ADK: variants seen among roughly 807,000 people sequenced by gnomAD.
ADK encodes the protein N6,N6-dimethyladenosine kinase.
ADK carries 24 observed loss-of-function variants against 44.7 expected under a neutral mutation model. The ratio of observed to expected loss-of-function variants is 0.54; its 90% CI spans 0.39 to 0.76. The LOEUF (loss-of-function observed/expected upper bound fraction) is 0.76. Among genes scored for constraint, ADK ranks in the 30% least tolerant of loss-of-function variants. The pLI is 0.00. For synonymous variants in ADK, 128 were observed against 142.6 expected, an observed-to-expected ratio of 0.90 and a Z score of 0.73; for missense variants, 321 against 425.1, an observed-to-expected ratio of 0.76 and a Z score of 2.15.
chr10:74,178,231 C>T (rs564537548), intron 1 of ADK, among the ~76,000 whole-genome samples: 116 of 152,156 alleles, frequency 7.6e-4, no homozygotes, highest in African/African-American at 2.7e-3. Context: ...AGTGAGCCAC[C>T]GCTACTGGTC....
intron 3 of ADK, among the ~76,000 whole-genome samples, chr10:74,309,487 A>T (rs1840364099): frequency 6.6e-6 from 1 of 152,220 alleles, no homozygotes; most frequent in South Asian, 2.1e-4. Context: ...AGATACAATT[A>T]AAGTCACAAA....
intron 4 of ADK, among the ~76,000 whole-genome samples, chr10:74,352,388 C>T (rs1841989719): frequency 6.6e-6 from 1 of 152,170 alleles, no homozygotes; most frequent in African/African-American, 2.4e-5. Flanking sequence ...AAAATTGAAC[C>T]TGGATCACTG....
At chr10:74,408,085 T>C (rs939658115) in intron 6 of ADK, among the ~76,000 whole-genome samples, 9 of 152,034 alleles carry the variant, frequency 5.9e-5, no homozygotes, top group African/African-American at 2.2e-4. Context: ...GTTTGAACGA[T>C]TCTCCTGCGT....
At chr10:74,548,304 A>G (rs1849910425) in intron 7 of ADK, among the ~76,000 whole-genome samples, 1 of 152,158 alleles carries the variant, frequency 6.6e-6, no homozygotes, top group Non-Finnish European at 1.5e-5. Context: ...AGTATTTGTT[A>G]AAACATAAAG....
At chr10:74,605,875 G>C (rs1852307024) in intron 9 of ADK, among the ~76,000 whole-genome samples, 1 of 151,984 alleles carries the variant, frequency 6.6e-6, no homozygotes, top group African/African-American at 2.4e-5. Flanking sequence ...CTGCTCCTGG[G>C]CTTTTTTTGG....
intron 9 of ADK, among the ~76,000 whole-genome samples, chr10:74,647,133 TTC>T (rs1854082403): frequency 6.6e-6 from 1 of 152,154 alleles, no homozygotes; most frequent in African/African-American, 2.4e-5. Flanking sequence ...TTAGAATGTT[TTC>T]TCTCACTAAT....
chr10:74,358,954 A>G (rs1306552148), intron 4 of ADK, among the ~76,000 whole-genome samples: 1 of 152,064 alleles, frequency 6.6e-6, no homozygotes, highest in African/African-American at 2.4e-5. Flanking sequence ...TTTTTTTAAG[A>G]GATTGGGGAG....
intron 7 of ADK, among the ~76,000 whole-genome samples, chr10:74,586,345 C>A (rs1851524999): frequency 6.6e-6 from 1 of 152,070 alleles, no homozygotes; most frequent in Non-Finnish European, 1.5e-5. Context: ...GCTCAGCAAA[C>A]CTGTGTGAGG....
At chr10:74,404,373 T>C (rs1269871028) in intron 6 of ADK, among the ~76,000 whole-genome samples, 1 of 152,208 alleles carries the variant, frequency 6.6e-6, no homozygotes, top group Non-Finnish European at 1.5e-5. Context: ...TAGTTCTCTT[T>C]ATTCCTTTTG....
intron 7 of ADK, among the ~76,000 whole-genome samples, chr10:74,554,440 A>G (rs1427235855): frequency 6.6e-6 from 1 of 152,076 alleles, no homozygotes; most frequent in Non-Finnish European, 1.5e-5. Flanking sequence ...AATAATTGCA[A>G]ATACATCCTG....
intron 3 of ADK, among the ~76,000 whole-genome samples, chr10:74,228,831 TATAA>T (rs1488250096): frequency 6.6e-6 from 1 of 152,202 alleles, no homozygotes; most frequent in Non-Finnish European, 1.5e-5. Flanking sequence ...CAAATGCAAA[TATAA>T]ATAAATTCAG....
chr10:74,327,973 A>G (rs937924770), intron 4 of ADK, among the ~76,000 whole-genome samples: 2 of 152,114 alleles, frequency 1.3e-5, no homozygotes, highest in Non-Finnish European at 2.9e-5. Flanking sequence ...CAGTGGTATG[A>G]TCTCAGCTCA....
At chr10:74,502,636 A>G (rs1298981081) in intron 6 of ADK, among the ~76,000 whole-genome samples, 2 of 152,162 alleles carry the variant, frequency 1.3e-5, no homozygotes, top group Non-Finnish European at 1.5e-5. Context: ...TTGTAAAAAA[A>G]TTATATAAAT....
At chr10:74,474,135 G>A (rs894787256) in intron 6 of ADK, among the ~76,000 whole-genome samples, 12 of 149,508 alleles carry the variant, frequency 8.0e-5, no homozygotes, top group African/African-American at 2.5e-4. Context: ...TTTTTTTTTC[G>A]AGATGGGTTC....
intron 4 of ADK, among the ~76,000 whole-genome samples, chr10:74,391,392 T>C (rs1371362245): frequency 1.3e-5 from 2 of 152,066 alleles, no homozygotes; most frequent in African/African-American, 4.8e-5. Flanking sequence ...CAGAGAACTC[T>C]TCTATTCCTA....
At chr10:74,650,814 C>T (rs1854236076) in intron 9 of ADK, among the ~76,000 whole-genome samples, 1 of 152,098 alleles carries the variant, frequency 6.6e-6, no homozygotes, top group Admixed American at 6.6e-5. Flanking sequence ...TGTGAACAGG[C>T]CAAGTCTAGC....
At chr10:74,152,807 C>T (rs1841643368) in intron 1 of ADK, among the ~76,000 whole-genome samples, 1 of 152,126 alleles carries the variant, frequency 6.6e-6, no homozygotes, top group African/African-American at 2.4e-5. Context: ...TTTTCTTATA[C>T]CTGCAGTCCT....
At chr10:74,460,522 T>C (rs1261061128) in intron 6 of ADK, among the ~76,000 whole-genome samples, 1 of 152,230 alleles carries the variant, frequency 6.6e-6, no homozygotes, top group African/African-American at 2.4e-5. Flanking sequence ...CATTAATTTT[T>C]TACAATTCAA....
chr10:74,581,358 CAT>C (rs1411789660), intron 7 of ADK, among the ~76,000 whole-genome samples: 57 of 151,932 alleles, frequency 3.8e-4, no homozygotes, highest in African/African-American at 1.3e-3. Flanking sequence ...ATCTTGAAGA[CAT>C]AGCAATAGCA....
Sources: allele counts gnomAD v4.1 joint callset (sites outside exome capture counted in the v4.1 genomes callset), GRCh38; gene constraint gnomAD v4.1.1; transcripts MANE v1.5; gene names NCBI Gene and HGNC (gene_info 2026-07-23, HGNC 2026-07-21).